Variants in HBS1L observed in about 807,000 individuals in gnomAD.
HBS1L encodes HBS1 like translational GTPase.
HBS1L carries 55 observed loss-of-function variants against 88.9 expected under a neutral mutation model. The ratio of observed to expected loss-of-function variants is 0.62; its 90% CI spans 0.50 to 0.77. HBS1L has a LOEUF of 0.77. HBS1L is among the 30% of genes least tolerant of loss of function. The probability of loss-of-function intolerance (pLI) is 0.00; values close to 1 mark genes in which losing one functional copy is unlikely to be tolerated. For synonymous variants in HBS1L, 267 were observed against 288.5 expected (o/e 0.93, Z 0.76); for missense variants, 741 against 829.3 (o/e 0.89, Z 1.31).
In HBS1L at chr6:135,021,226, T is replaced by C. The variant is rs927003381; in HGVS notation, c.430+18347A>G. Reference sequence around the variant, plus strand: ...TAGTACATTTGGTGTAAAGTACTCATTAATATTGCCTACAATTACTGCTTA... The same window carrying C: ...TAGTACATTTGGTGTAAAGTACTCACTAATATTGCCTACAATTACTGCTTA... On this transcript the variant is annotated intron_variant, in intron 4 of 17. Transcript: ENST00000367837. Among the ~76,000 whole-genome samples, 3 of 152,116 alleles carry C rather than the reference T, an allele frequency of 2.0e-5. No homozygotes were observed. The East Asian group carries it at 5.8e-4, about 29-fold the overall frequency.
At chr6:135,017,405 C>T (rs1475454700) in intron 4 of HBS1L, among the ~76,000 whole-genome samples, 1 of 152,066 alleles carries the variant, frequency 6.6e-6, no homozygotes, top group Admixed American at 6.6e-5. Flanking sequence ...AAATCCTCAA[C>T]TGAATGTAAG....
At chr6:135,037,654 G>A in intron 4 of HBS1L, 2 of 1,549,548 alleles carry the variant, frequency 1.3e-6, no homozygotes, top group Non-Finnish European at 1.7e-6. Flanking sequence ...AATGCATTCA[G>A]ATGCATGAGG....
chr6:134,997,008 T>C, intron 6 of HBS1L, 66 bp from the exon 7 acceptor site: 1 of 1,149,008 alleles, frequency 8.7e-7, no homozygotes, highest in Non-Finnish European at 1.2e-6. Context: ...AGGCATTGCA[T>C]AAATGTGTAA....
Position 134,997,636 on chromosome 6 carries a change from C to G in HBS1L, c.560G>C (p.Gly187Ala). 2 of 1,613,862 alleles carry G rather than the reference C, an allele frequency of 1.2e-6. No homozygotes were observed. The highest frequency in any genetic ancestry group is 1.7e-6 in the Non-Finnish European group (2 of 1,179,854). ...TTTTTGAGGTGTGTGGAAACTATGA[C>G]CATTTTCTTCAGAAGATACTCTACA... ...EVPGVSSEEN[G>A]HSFHTPQKGP... is the part of the protein sequence containing the mutation. Residue 187 changes from glycine to alanine, a missense_variant, in exon 6 of 18, where the codon GGT becomes GCT. Gly to Ala is a moderately conservative substitution (Grantham distance 60). Coordinates refer to ENST00000367837, the MANE Select transcript of HBS1L (RefSeq NM_006620.4).
chr6:135,004,979 G>A (rs2114822009), intron 4 of HBS1L, among the ~76,000 whole-genome samples: 1 of 152,304 alleles, frequency 6.6e-6, no homozygotes, highest in African/African-American at 2.4e-5. Context: ...CCTACAAAAA[G>A]GTGAAGGAGA....
At chr6:135,049,908 G>A (rs1408622359) in intron 2 of HBS1L, among the ~76,000 whole-genome samples, 1 of 152,238 alleles carries the variant, frequency 6.6e-6, no homozygotes, top group East Asian at 1.9e-4. Context: ...ATTTTAACCT[G>A]TGTAGACAGT....
chr6:135,022,917 A>C (rs1776112155), intron 4 of HBS1L, among the ~76,000 whole-genome samples: 1 of 151,586 alleles, frequency 6.6e-6, no homozygotes, highest in Admixed American at 6.6e-5. Context: ...CATTTGACCT[A>C]AGCAGGAAAA....
At chr6:135,042,164 C>T in intron 2 of HBS1L, 38 bp from the exon 3 acceptor site, 1 of 1,537,442 alleles carries the variant, frequency 6.5e-7, no homozygotes, top group Non-Finnish European at 8.8e-7. Context: ...TATGGTATAG[C>T]CATTTCCTAT....
At chr6:134,967,927 A>C (rs911284998) in intron 16 of HBS1L, among the ~76,000 whole-genome samples, 2 of 152,178 alleles carry the variant, frequency 1.3e-5, no homozygotes, top group Non-Finnish European at 2.9e-5. Context: ...ATTATAGCAA[A>C]CACTCATGCC....
At chr6:135,035,956 T>C (rs1261821562) in intron 4 of HBS1L, 1 of 599,404 alleles carries the variant, frequency 1.7e-6, no homozygotes, top group African/African-American at 2.0e-5. Context: ...CCAACTTCTA[T>C]ATTTACATGG....
intron 4 of HBS1L, among the ~76,000 whole-genome samples, chr6:135,032,057 A>C (rs542361404): frequency 1.4e-4 from 21 of 152,006 alleles, no homozygotes; most frequent in African/African-American, 5.1e-4. Flanking sequence ...TTTCTATGTG[A>C]GTCCTAAAAA....
chr6:135,016,425 T>G (rs1775923796), intron 4 of HBS1L, among the ~76,000 whole-genome samples: 2 of 152,204 alleles, frequency 1.3e-5, no homozygotes. Context: ...TTACTTCCAA[T>G]GGGGAACCTG....
chr6:134,978,549 TG>T, intron 15 of HBS1L, 129 bp downstream of exon 15: 1 of 468,150 alleles, frequency 2.1e-6, no homozygotes, highest in Non-Finnish European at 3.8e-6. Context: ...TAAGTTTTTC[TG>T]GATTACAGTA....
In HBS1L at chr6:135,010,182, T is replaced by C. The variant is rs563210746; in HGVS notation, c.431-7340A>G. Among the ~76,000 whole-genome samples the C allele has an allele frequency of 3.3e-5, 5 of 152,260 alleles. No individual in the cohort carries two copies. In the East Asian group the frequency reaches 5.8e-4, roughly 18 times the overall value. Reference sequence around the variant, plus strand: ...TATACACAAGGGCAACCAATCCTAATAGTCTACTATCGCTAGAAATCCAAG... The same window carrying C: ...TATACACAAGGGCAACCAATCCTAACAGTCTACTATCGCTAGAAATCCAAG... On this transcript the variant is annotated intron_variant, in intron 4 of 17. Transcript: ENST00000367837.
intron 4 of HBS1L, among the ~76,000 whole-genome samples, chr6:135,021,502 G>A (rs1296285969): frequency 6.6e-6 from 1 of 152,022 alleles, no homozygotes; most frequent in Non-Finnish European, 1.5e-5. Context: ...CTGCTAATTT[G>A]CAGGATTTAG....
Position 134,997,003 on chromosome 6 carries a change from T to C in HBS1L, c.800-61A>G, listed in dbSNP as rs561777829. ...ATTTCCAGATGTTCACATTGAGGCA[T>C]TGCATAAATGTGTAATTCAATATTT... On this transcript the variant is annotated intron_variant, in intron 6 of 17. Transcript: ENST00000367837. 564 of 1,181,192 alleles carry C rather than the reference T, an allele frequency of 4.8e-4. 7 individuals are homozygous for C. The South Asian group carries it at 5.6e-3, about 12-fold the overall frequency. The allele number at this position is 1,181,192 out of a possible 1,614,324, so 73.2% of individuals were successfully genotyped here.
chr6:135,020,960 A>AAAAAAAAGGACTAAT (rs2114855475), intron 4 of HBS1L, among the ~76,000 whole-genome samples: 1 of 151,842 alleles, frequency 6.6e-6, no homozygotes, highest in African/African-American at 2.4e-5. Flanking sequence ...GTGACCACTT[A>AAAAAAAAGGACTAAT]AAAAAAAGGA....
rs1384991609 is a variant in HBS1L, at chr6:134,963,417, T to C, written c.*1862A>G. On this transcript the variant is annotated 3_prime_UTR_variant, in exon 18 of 18. Coordinates refer to ENST00000367837, the MANE Select transcript of HBS1L (RefSeq NM_006620.4). The stretch of plus-strand genomic sequence containing the variant: ...CAAGAACCTGGCATTACAGAAGAGG[T>C]TTTTTATGGGTGGCAGGGTGACAGG... The C allele has an allele frequency of 1.3e-5, 2 of 150,386 alleles. No homozygotes were observed. The highest frequency in any genetic ancestry group is 4.9e-5 in the African/African-American group (2 of 40,704). 9.3% of individuals were successfully genotyped at this position (150,386 alleles called of 1,614,324 possible).
chr6:135,043,699 G>A (rs1776823062), intron 2 of HBS1L, among the ~76,000 whole-genome samples: 1 of 152,172 alleles, frequency 6.6e-6, no homozygotes, highest in African/African-American at 2.4e-5. Context: ...TATAATAAAG[G>A]AGGTAGGAAT....
Sources: allele counts gnomAD v4.1 joint callset (sites outside exome capture counted in the v4.1 genomes callset), GRCh38; gene constraint gnomAD v4.1.1; transcripts MANE v1.5; gene names NCBI Gene and HGNC (gene_info 2026-07-23, HGNC 2026-07-21).